Variants in BAHCC1 observed in about 807,000 individuals in gnomAD.
BAHCC1 encodes the protein BAH domain and coiled-coil containing 1.
BAHCC1 carries 43 observed loss-of-function variants against 88.2 expected under a neutral mutation model. The observed-to-expected ratio is 0.49, with a 90% CI of 0.38 to 0.63. The LOEUF is 0.63. BAHCC1 is among the 20% of genes least tolerant of loss of function. BAHCC1 has a pLI of 0.00. For missense variants in BAHCC1, 3,023 were observed against 1,654.8 expected, an observed-to-expected ratio of 1.83 and a Z score of -14.34; for synonymous variants, 1,510 against 745.5, an observed-to-expected ratio of 2.03 and a Z score of -16.71.
At chr17:81,431,256 C>T (rs934823653) in intron 3 of BAHCC1, among the ~76,000 whole-genome samples, 59 of 152,152 alleles carry the variant, frequency 3.9e-4, no homozygotes, top group Non-Finnish European at 3.1e-4. Flanking sequence ...CTGCCCTGGC[C>T]GGCCACCCTG....
At chr17:81,400,265 A>G (rs1177645092) in intron 2 of BAHCC1, among the ~76,000 whole-genome samples, 2 of 151,990 alleles carry the variant, frequency 1.3e-5, no homozygotes, top group Non-Finnish European at 2.9e-5. Flanking sequence ...TCACCTCCCT[A>G]AGACGTTCCG....
chr17:81,452,527 G>A (rs1598501471), intron 13 of BAHCC1, among the ~76,000 whole-genome samples, 196 bp from the exon 14 acceptor site: 1 of 151,974 alleles, frequency 6.6e-6, no homozygotes, highest in East Asian at 1.9e-4. Context: ...AGTGTGTGTG[G>A]ATGGTAGGAG....
In BAHCC1 at chr17:81,445,559, C is replaced by G. The variant is rs782330338; in HGVS notation, c.3041C>G (p.Ala1014Gly). 6.9e-6 allele frequency: 5 copies of G among 723,812 alleles called. No individual in the cohort carries two copies. The South Asian group carries it at 7.4e-5, about 11-fold the overall frequency. 44.8% of individuals were successfully genotyped at this position (723,812 alleles called of 1,614,324 possible). A position where few individuals can be genotyped will look rare whatever the true frequency, so the allele number is the denominator to read the frequency against. ...SSPTPPPRPS[A>G]PCTLNVCPAS... ...CCCACCCCACCACCTCGGCCCAGCG[C>G]CCCGTGCACTTTAAATGTCTGCCCT... is the stretch of plus-strand genomic sequence containing the variant. The change falls in exon 10 of 28, where the codon GCC becomes GGC. Residue 1014 changes from alanine (A) to glycine (G), a missense_variant. Coordinates refer to ENST00000675386, the MANE Select transcript of BAHCC1 (RefSeq NM_001377448.1).
At position 81,460,961 on chromosome 17, in the gene BAHCC1, G is replaced by T. The variant is rs533113468; in HGVS notation, c.6298G>T (p.Ala2100Ser). 3.9e-6 allele frequency: 3 copies of T among 772,428 alleles called. No individual in the cohort carries two copies. Among genetic ancestry groups the T allele is most frequent in the South Asian group, 2.7e-5 (2 of 74,594 alleles). The allele number at this position is 772,428 out of a possible 1,614,324, so 47.8% of individuals were successfully genotyped here. A position where few individuals can be genotyped will look rare whatever the true frequency, so the allele number is the denominator to read the frequency against. The change falls in exon 26 of 28, where the codon GCG (alanine) becomes TCG (serine). Residue 2100 changes from alanine (A) to serine (S), a missense_variant. Coordinates refer to ENST00000675386, the MANE Select transcript of BAHCC1 (RefSeq NM_001377448.1). ...RRGSPLLSWS[A>S]VAQTKRKAVA... ...TGGCAGCCCCTTGCTGAGCTGGTCC[G>T]CGGTGGCGCAGACCAAGCGGAAGGC... is the stretch of plus-strand genomic sequence containing the variant.
Position 81,407,343 on chromosome 17 carries a change from A to G in BAHCC1, c.178+7426A>G, listed in dbSNP as rs782365293. On this transcript the variant is annotated intron_variant, in intron 2 of 27. Coordinates refer to ENST00000675386, the MANE Select transcript of BAHCC1 (RefSeq NM_001377448.1). ...AAGCCTTAGCCATATTAAGTAAGAA[A>G]GAAACCAGCCTGCTGGCGTCTTCAA... is the stretch of plus-strand genomic sequence containing the variant. 9.6e-6 allele frequency: 5 copies of G among 519,916 alleles called. No homozygotes were observed. The East Asian group carries it at 2.7e-4, about 28-fold the overall frequency. The allele number at this position is 519,916 out of a possible 1,614,324, so 32.2% of individuals were successfully genotyped here.
chr17:81,461,280 T>A lies in BAHCC1; in HGVS notation c.6617T>A (p.Phe2206Tyr). The change falls in exon 26 of 28, where the codon TTC becomes TAC. Residue 2206 changes from phenylalanine (F) to tyrosine (Y), a missense_variant. Physicochemically the swap from Phe to Tyr is conservative, Grantham distance 22. Coordinates refer to ENST00000675386, the MANE Select transcript of BAHCC1 (RefSeq NM_001377448.1). ...GGGCGGCGGCGGGCGGGCGGTGAGT[T>A]CCTGGTCAAGCTGGACCACGAGGGT... ...KGGRRRAGGE[F>Y]LVKLDHEGVT... The A allele has an allele frequency of 1.4e-6, 1 of 706,478 alleles. No individual in the cohort carries two copies. Among genetic ancestry groups the A allele is most frequent in the Non-Finnish European group, 2.6e-6 (1 of 383,904 alleles). The allele number at this position is 706,478 out of a possible 1,614,324, so 43.8% of individuals were successfully genotyped here.
chr17:81,399,774 TG>T lies in BAHCC1; in HGVS notation c.36del (p.Leu13CysfsTer52). The stretch of plus-strand genomic sequence containing the variant: ...CGCGACTTTGCGCCGCCGCCGCATC[TG>T]CTGTCGGAGCGCGGGAGCCTGGGCC... Reference protein sequence around the residue: ...DGRDFAPPPHLLSERGSLGHR... With the variant: ...DGRDFAPPPHXLSERGSLGHR... On this transcript the variant is annotated frameshift_variant, in exon 2 of 28. Coordinates refer to ENST00000675386, the MANE Select transcript of BAHCC1 (RefSeq NM_001377448.1). LOFTEE classifies it high-confidence loss of function. This position sits in a 1 kb window ranked among gnomAD's most constrained non-coding sequence, Gnocchi z 4.5. 8.2e-7 allele frequency: 1 copy of T among 1,224,980 alleles called. No individual in the cohort carries two copies. Among genetic ancestry groups the T allele is most frequent in the Non-Finnish European group, 1.0e-6 (1 of 983,396 alleles). 75.9% of individuals were successfully genotyped at this position (1,224,980 alleles called of 1,614,324 possible).
At chr17:81,404,650 A>G (rs1258250430) in intron 2 of BAHCC1, among the ~76,000 whole-genome samples, 1 of 152,214 alleles carries the variant, frequency 6.6e-6, no homozygotes, top group South Asian at 2.1e-4. Flanking sequence ...GTACACCTTT[A>G]AGAGTGTTTT....
At position 81,439,081 on chromosome 17, in the gene BAHCC1, C is replaced by T. The variant is rs138460967; in HGVS notation, c.481+589C>T. On this transcript the variant is annotated intron_variant, in intron 4 of 27. Coordinates refer to ENST00000675386, the MANE Select transcript of BAHCC1 (RefSeq NM_001377448.1). Reference sequence around the variant, plus strand: ...TTTGTCTTTGCTGAGAAGTCAGAGCCGGTGGGGCCTTGGGGAAGAGGAAGC... The same window carrying T: ...TTTGTCTTTGCTGAGAAGTCAGAGCTGGTGGGGCCTTGGGGAAGAGGAAGC... Among the ~76,000 whole-genome samples, 776 of 152,248 alleles carry T rather than the reference C, an allele frequency of 5.1e-3. 4 individuals are homozygous for T. The highest frequency in any genetic ancestry group is 0.02 in the Middle Eastern group (6 of 294).
chr17:81,406,233 C>T (rs1264246385), intron 2 of BAHCC1, among the ~76,000 whole-genome samples: 1 of 152,084 alleles, frequency 6.6e-6, no homozygotes, highest in Non-Finnish European at 1.5e-5. Context: ...CCCTTGGCTC[C>T]TGGACAGCCT....
chr17:81,454,337 G>A (rs780911322), intron 14 of BAHCC1, among the ~76,000 whole-genome samples: 6 of 152,188 alleles, frequency 3.9e-5, no homozygotes, highest in Non-Finnish European at 7.4e-5. Flanking sequence ...CTCCCAGCCT[G>A]GGGGACAGCA....
rs1442274794 is a variant in BAHCC1 at position 81,435,538 on chromosome 17, C to G, written c.359-2832C>G. 4.3e-6 allele frequency: 2 copies of G among 469,462 alleles called. No homozygotes were observed. Among genetic ancestry groups the G allele is most frequent in the Admixed American group, 4.7e-5 (2 of 42,482 alleles). The allele number at this position is 469,462 out of a possible 1,614,324, so 29.1% of individuals were successfully genotyped here. A position where few individuals can be genotyped will look rare whatever the true frequency, so the allele number is the denominator to read the frequency against. ...CTGTTGGGGTGATCATAAAAGCTCC[C>G]GTCTCAAAGGGGTCTGGGAAGGGGA... On this transcript the variant is annotated intron_variant, in intron 3 of 27. Coordinates refer to ENST00000675386, the MANE Select transcript of BAHCC1 (RefSeq NM_001377448.1). This position sits in a 1 kb window ranked among gnomAD's most constrained non-coding sequence, Gnocchi z 4.4.
chr17:81,436,335 C>T (rs9899407), intron 3 of BAHCC1, among the ~76,000 whole-genome samples: 157 of 152,318 alleles, frequency 1.0e-3, no homozygotes, highest in African/African-American at 3.6e-3. Flanking sequence ...AGGGGACCGG[C>T]GGGAAGGAGC....
intron 2 of BAHCC1, among the ~76,000 whole-genome samples, chr17:81,409,509 G>C (rs74002264): frequency 0.011 from 1,721 of 152,328 alleles, 30 homozygotes; most frequent in African/African-American, 0.04. Context: ...TTTTCACCTC[G>C]TGGCCCTGGC....
chr17:81,400,528 G>A (rs1183646823), intron 2 of BAHCC1, among the ~76,000 whole-genome samples: 2 of 152,220 alleles, frequency 1.3e-5, no homozygotes, highest in Non-Finnish European at 2.9e-5. Flanking sequence ...CGGACAAAGC[G>A]TGGCCAGAGT....
chr17:81,417,257 C>A (rs543023584), intron 2 of BAHCC1, among the ~76,000 whole-genome samples: 1 of 152,306 alleles, frequency 6.6e-6, no homozygotes, highest in South Asian at 2.1e-4. Context: ...GGAGACTCAT[C>A]CAGCTGCGGG....
intron 2 of BAHCC1, among the ~76,000 whole-genome samples, chr17:81,404,778 C>T (rs2063859228): frequency 6.6e-6 from 1 of 152,182 alleles, no homozygotes; most frequent in Non-Finnish European, 1.5e-5. Context: ...TGCAGTCTCT[C>T]CTGGAGGCTG....
chr17:81,454,651 C>T (rs951382714), intron 14 of BAHCC1, among the ~76,000 whole-genome samples: 43 of 152,234 alleles, frequency 2.8e-4, no homozygotes, highest in African/African-American at 9.4e-4. Context: ...CAAACCTGCC[C>T]GGTGCCTGCC....
intron 2 of BAHCC1, chr17:81,402,491 C>T (rs2063830257): frequency 6.6e-6 from 1 of 152,214 alleles, no homozygotes; most frequent in South Asian, 2.1e-4. Context: ...TGCGGACTTC[C>T]ACATGGCTGG....
Sources: gnomAD v4.1 joint callset for allele counts (sites outside exome capture counted in the v4.1 genomes callset) on GRCh38, gnomAD v4.1.1 for gene constraint, Gnocchi (gnomAD v3.1) non-coding constraint, MANE v1.5 for transcripts, NCBI Gene and HGNC (gene_info 2026-07-23, HGNC 2026-07-21) for gene names.